TMEM276: variants seen among roughly 807,000 people sequenced by gnomAD.
TMEM276 encodes transmembrane protein 276.
At chr8:144,466,688 C>G in the TMEM276 span, 5 of 1,299,442 alleles carry the variant, frequency 3.8e-6, no homozygotes, top group Non-Finnish European at 1.0e-6. Flanking sequence ...ATCCTCCGGC[C>G]CGGTTCGCGG....
chr8:144,465,142 G>T, the TMEM276 span: 1 of 1,438,238 alleles, frequency 7.0e-7, no homozygotes, highest in Non-Finnish European at 9.2e-7. Context: ...GGGGGAAAAC[G>T]ACTCAGGGTC....
At chr8:144,466,380 GGGCGGCGCGAAGCGGGGCCCTCT>G in the TMEM276 span, 1 of 913,846 alleles carries the variant, frequency 1.1e-6, no homozygotes, top group Admixed American at 4.5e-5. Flanking sequence ...CGGGGACGCG[GGGCGGCGCGAAGCGGGGCCCTCT>G]GCCGCCCCGC....
the TMEM276 span, chr8:144,464,230 C>T: frequency 3.7e-6 from 6 of 1,612,982 alleles, no homozygotes; most frequent in African/African-American, 5.3e-5. Flanking sequence ...CAGCAGCAGC[C>T]TGTCCTCCTC....
chr8:144,466,799 C>T, the TMEM276 span: 10 of 1,536,292 alleles, frequency 6.5e-6, no homozygotes, highest in Non-Finnish European at 8.7e-6. Flanking sequence ...CCCAGACCTG[C>T]CCGCGCCAGA....
the TMEM276 span, chr8:144,466,854 G>A: frequency 1.3e-5 from 20 of 1,536,590 alleles, no homozygotes; most frequent in Non-Finnish European, 1.7e-5. Context: ...TGCGGGCTGG[G>A]AGTCCCGCGG....
chr8:144,466,975 G>A, the TMEM276 span: 3 of 1,596,162 alleles, frequency 1.9e-6, no homozygotes, highest in East Asian at 2.2e-5. Context: ...CCGAGCCTGA[G>A]GATGGGTCGG....
chr8:144,466,074 C>T, the TMEM276 span: 120 of 150,010 alleles, frequency 8.0e-4, no homozygotes, highest in African/African-American at 2.9e-3. Flanking sequence ...AGAACCCCGG[C>T]GTGTTGAAGG....
the TMEM276 span, chr8:144,466,901 G>A: frequency 6.4e-7 from 1 of 1,554,048 alleles, no homozygotes. Context: ...GGGAGGGGCG[G>A]AGGCCTGGCT....
the TMEM276 span, chr8:144,465,455 C>T: frequency 1.2e-5 from 12 of 993,690 alleles, no homozygotes; most frequent in African/African-American, 1.9e-4. Flanking sequence ...CCCCCAGTTG[C>T]GGGAGCGAGC....
At chr8:144,464,020 C>T in the TMEM276 span, 3 of 1,525,146 alleles carry the variant, frequency 2.0e-6, no homozygotes, top group Non-Finnish European at 2.6e-6. Context: ...AGCAAACCCA[C>T]TTCAGTAGGC....
At chr8:144,466,480 G>A in the TMEM276 span, 2 of 1,333,732 alleles carry the variant, frequency 1.5e-6, no homozygotes, top group Non-Finnish European at 1.9e-6. Context: ...CAGGGATGGT[G>A]GCGCCGCGGC....
chr8:144,464,144 G>A, the TMEM276 span: 35 of 1,610,158 alleles, frequency 2.2e-5, no homozygotes, highest in Non-Finnish European at 2.6e-5. Context: ...CACTGGAGGC[G>A]CTGTGTATGC....
the TMEM276 span, chr8:144,464,123 A>G: frequency 1.2e-6 from 2 of 1,605,412 alleles, no homozygotes; most frequent in Non-Finnish European, 8.5e-7. Flanking sequence ...GCTGTATCCA[A>G]CTGTCACTCC....
chr8:144,465,448 C>T, the TMEM276 span: 243 of 996,846 alleles, frequency 2.4e-4, no homozygotes, highest in Non-Finnish European at 2.8e-4. Flanking sequence ...TGCCGTGCCC[C>T]CAGTTGCGGG....
chr8:144,466,704 A>C, the TMEM276 span: 2 of 1,368,772 alleles, frequency 1.5e-6, no homozygotes, highest in Non-Finnish European at 9.7e-7. Context: ...CGCGGAGGGA[A>C]GGGGCCAGCA....
At chr8:144,465,045 T>C in the TMEM276 span, 2 of 1,534,592 alleles carry the variant, frequency 1.3e-6, no homozygotes, top group South Asian at 2.4e-5. Flanking sequence ...TACTGGATGT[T>C]AGGAGAAGTT....
chr8:144,464,469 A>G, the TMEM276 span: 2 of 1,612,368 alleles, frequency 1.2e-6, no homozygotes, highest in Non-Finnish European at 1.7e-6. Flanking sequence ...CCCAGTGGAA[A>G]TCGAAGGCCA....
At chr8:144,464,851 C>T in the TMEM276 span, 1 of 1,612,768 alleles carries the variant, frequency 6.2e-7, no homozygotes, top group Non-Finnish European at 8.5e-7. Flanking sequence ...CCACTCCCAG[C>T]ACCAGATGGG....
chr8:144,464,560 G>A, the TMEM276 span: 2 of 1,611,614 alleles, frequency 1.2e-6, no homozygotes, highest in East Asian at 4.5e-5. Flanking sequence ...GGCCAGCGTG[G>A]TGGTGGCAGC....
Sources: gnomAD v4.1 joint callset for allele counts on GRCh38, gnomAD v4.1.1 for gene constraint, MANE v1.5 for transcripts, NCBI Gene and HGNC (gene_info 2026-07-23, HGNC 2026-07-21) for gene names.